The following STAG1 variants were observed in gnomAD, a reference collection of about 807,000 sequenced individuals.
STAG1 encodes the protein cohesin subunit SA-1.
A neutral mutation model predicts 170.9 loss-of-function variants in STAG1; 26 were observed. The observed-to-expected ratio is 0.15, with a 90% confidence interval of 0.11 to 0.21. STAG1 has a LOEUF of 0.21. Among genes scored for constraint, STAG1 ranks in the 10% least tolerant of loss-of-function variants. The probability of loss-of-function intolerance (pLI) is 1.00; values close to 1 mark genes in which losing one functional copy is unlikely to be tolerated. For synonymous variants in STAG1, 514 were observed against 497.7 expected, an observed-to-expected ratio of 1.03 and a Z score of -0.44; for missense variants, 964 against 1,509.5, an observed-to-expected ratio of 0.64 and a Z score of 5.99.
At chr3:136,672,061 C>T (rs1941995105) in intron 1 of STAG1, among the ~76,000 whole-genome samples, 1 of 152,148 alleles carries the variant, frequency 6.6e-6, no homozygotes, top group South Asian at 2.1e-4. Flanking sequence ...TGGAGTTTCA[C>T]TCAAATAAAT....
intron 7 of STAG1, 97 bp downstream of exon 7, chr3:136,521,116 T>C (rs1006480481): frequency 1.7e-5 from 17 of 1,023,240 alleles, no homozygotes; most frequent in Non-Finnish European, 2.3e-5. Context: ...TTTATTCTAA[T>C]TAAATTTTTA....
At chr3:136,721,729 C>G (rs1933287256) in intron 1 of STAG1, among the ~76,000 whole-genome samples, 1 of 151,894 alleles carries the variant, frequency 6.6e-6, no homozygotes. Context: ...TCAAGACCAT[C>G]CTGGCTAACA....
At chr3:136,373,179 A>G (rs1171568681) in intron 23 of STAG1, among the ~76,000 whole-genome samples, 1 of 152,106 alleles carries the variant, frequency 6.6e-6, no homozygotes, top group East Asian at 1.9e-4. Context: ...GTATTTCTGT[A>G]GGATCGGTGG....
chr3:136,718,788 G>T (rs1933023178), intron 1 of STAG1, among the ~76,000 whole-genome samples: 1 of 151,992 alleles, frequency 6.6e-6, no homozygotes. Flanking sequence ...TTGGCCAAGT[G>T]TGGTGGGGGG....
intron 9 of STAG1, among the ~76,000 whole-genome samples, chr3:136,498,701 A>AT (rs1229497185): frequency 2.0e-5 from 3 of 152,098 alleles, no homozygotes; most frequent in African/African-American, 7.2e-5. Context: ...CAGTAAAAAA[A>AT]AAAAAACAAA....
At chr3:136,633,500 G>C (rs753145963) in intron 1 of STAG1, among the ~76,000 whole-genome samples, 2 of 151,998 alleles carry the variant, frequency 1.3e-5, no homozygotes, top group Non-Finnish European at 2.9e-5. Context: ...AGGAGCTCCA[G>C]ATCACCCTGG....
At chr3:136,741,010 T>C (rs1023491577) in intron 1 of STAG1, among the ~76,000 whole-genome samples, 4 of 152,228 alleles carry the variant, frequency 2.6e-5, no homozygotes, top group African/African-American at 9.6e-5. Flanking sequence ...CAACTCTCCA[T>C]GGAGTCTCTT....
chr3:136,343,731 A>G (rs939668296), intron 30 of STAG1, 101 bp downstream of exon 30: 15 of 924,790 alleles, frequency 1.6e-5, no homozygotes, highest in Non-Finnish European at 4.7e-6. Flanking sequence ...CTTATCATGA[A>G]CTGACCAGCA....
chr3:136,553,368 C>G (rs750415255), intron 5 of STAG1, among the ~76,000 whole-genome samples: 21 of 151,328 alleles, frequency 1.4e-4, no homozygotes, highest in Admixed American at 9.2e-4. Flanking sequence ...AAAGAGATAA[C>G]AATTAAGAAA....
intron 9 of STAG1, among the ~76,000 whole-genome samples, chr3:136,494,745 C>T (rs1315789848): frequency 2.6e-5 from 4 of 151,970 alleles, no homozygotes; most frequent in African/African-American, 9.7e-5. Context: ...ATAAAAACAC[C>T]CAACAAATCA....
chr3:136,362,628 A>G (rs1936919344), intron 26 of STAG1, among the ~76,000 whole-genome samples: 1 of 151,040 alleles, frequency 6.6e-6, no homozygotes, highest in Non-Finnish European at 1.5e-5. Context: ...AAAAAGAAAA[A>G]AAAAGAAAAA....
At chr3:136,643,944 G>C (rs1940894948) in intron 1 of STAG1, among the ~76,000 whole-genome samples, 1 of 152,094 alleles carries the variant, frequency 6.6e-6, no homozygotes, top group African/African-American at 2.4e-5. Context: ...AATTTTCAAA[G>C]AATCATCAAT....
At chr3:136,496,272 A>G (rs1379172382) in intron 9 of STAG1, among the ~76,000 whole-genome samples, 1 of 152,240 alleles carries the variant, frequency 6.6e-6, no homozygotes, top group African/African-American at 2.4e-5. Flanking sequence ...GAACAACACT[A>G]TTAACCAATT....
rs142079375 is a variant in STAG1, at chr3:136,525,362, G to T, written c.472-3945C>A. Among the ~76,000 whole-genome samples the T allele has an allele frequency of 6.2e-4, 95 of 152,282 alleles. No homozygotes were observed. In the East Asian group the frequency reaches 0.017, roughly 28 times the overall value. ...TCCAGGAATTTATCCATTTCTTCTA[G>T]ATTTTCTAGTTTATTTGCGTAGAGG... On this transcript the variant is annotated intron_variant, in intron 6 of 33. Coordinates refer to ENST00000383202, the MANE Select transcript of STAG1 (RefSeq NM_005862.3).
intron 28 of STAG1, among the ~76,000 whole-genome samples, chr3:136,351,827 C>T (rs577026846): frequency 2.6e-5 from 4 of 152,286 alleles, no homozygotes; most frequent in African/African-American, 9.6e-5. Context: ...ATGAAAGCAG[C>T]CTGCAAGCCA....
chr3:136,635,256 A>G (rs1001188538), intron 1 of STAG1, among the ~76,000 whole-genome samples: 11 of 152,228 alleles, frequency 7.2e-5, no homozygotes, highest in African/African-American at 1.7e-4. Flanking sequence ...CAATGTGTAA[A>G]AAGAATTTTA....
chr3:136,611,395 C>T (rs1383609934), intron 3 of STAG1, among the ~76,000 whole-genome samples: 1 of 151,582 alleles, frequency 6.6e-6, no homozygotes, highest in Admixed American at 6.6e-5. Flanking sequence ...GTGATCCGCC[C>T]GCCTCAGCCT....
chr3:136,550,085 T>C (rs1174424138), intron 5 of STAG1, among the ~76,000 whole-genome samples: 1 of 152,168 alleles, frequency 6.6e-6, no homozygotes, highest in African/African-American at 2.4e-5. Flanking sequence ...CTTTTTCTTT[T>C]CGTGGTATCT....
intron 1 of STAG1, among the ~76,000 whole-genome samples, chr3:136,697,326 T>G (rs947516810): frequency 2.0e-5 from 3 of 152,208 alleles, no homozygotes. Flanking sequence ...AGTGTGAAAC[T>G]AAAAGCATCT....
Sources: gnomAD v4.1 joint callset for allele counts (sites outside exome capture counted in the v4.1 genomes callset) on GRCh38, gnomAD v4.1.1 for gene constraint, MANE v1.5 for transcripts, NCBI Gene and HGNC (gene_info 2026-07-23, HGNC 2026-07-21) for gene names.